AIG1: variants seen among roughly 807,000 people sequenced by gnomAD.
The protein encoded by AIG1 is androgen induced 1.
Under a neutral mutation model 31.4 loss-of-function variants are expected in AIG1, and 23 were observed. That is an observed-to-expected ratio of 0.73 (90% confidence interval 0.53 to 1.04). The LOEUF is 1.04. Among genes scored for constraint, AIG1 ranks in the 50% least tolerant of loss-of-function variants. The pLI is 0.00. For synonymous variants in AIG1, 100 were observed against 110.5 expected (o/e 0.90, Z 0.60); for missense variants, 274 against 295.0 (o/e 0.93, Z 0.52).
In AIG1 at chr6:143,195,781, C is replaced by G. The variant is rs186394732; in HGVS notation, c.399+30598C>G. Among the ~76,000 whole-genome samples, 7 of 151,030 alleles carry G rather than the reference C, an allele frequency of 4.6e-5. No individual in the cohort carries two copies. In the East Asian group the frequency reaches 1.4e-3, roughly 29 times the overall value. On this transcript the variant is annotated intron_variant, in intron 3 of 5. Transcript: ENST00000357847. ...CGTCCTGGGCACACGGAGGTCTGAC[C>G]AGACAAGGACAGTGGCTGGCACAGG...
intron 1 of AIG1, among the ~76,000 whole-genome samples, chr6:143,103,129 C>A (rs942811845): frequency 6.6e-6 from 1 of 152,174 alleles, no homozygotes; most frequent in African/African-American, 2.4e-5. Flanking sequence ...TTTCTGGATA[C>A]CAGTGTGCCA....
At chr6:143,074,394 G>A (rs59866066) in intron 1 of AIG1, among the ~76,000 whole-genome samples, 4,859 of 152,208 alleles carry the variant, frequency 0.032, 233 homozygotes, top group African/African-American at 0.1. Flanking sequence ...CATTGATGTC[G>A]ATTATGCATT....
chr6:143,220,021 G>A (rs952480647), intron 3 of AIG1, among the ~76,000 whole-genome samples: 11 of 152,030 alleles, frequency 7.2e-5, no homozygotes, highest in Non-Finnish European at 1.5e-4. Context: ...ACCTTACCTC[G>A]AATTCTCACC....
rs527929153 is a variant in AIG1 at position 143,149,106 on chromosome 6, C to G, written c.297+12116C>G. ...GTCTCTGTTGTTGAATGATGCGTTA[C>G]TGTACTCCAAACTTTTTGACAAACC... On this transcript the variant is annotated intron_variant, in intron 2 of 5. Coordinates refer to ENST00000357847, the MANE Select transcript of AIG1 (RefSeq NM_016108.4). Among the ~76,000 whole-genome samples, 7 of 152,290 alleles carry G rather than the reference C, an allele frequency of 4.6e-5. No individual in the cohort carries two copies. In the East Asian group the frequency reaches 1.2e-3, roughly 25 times the overall value.
chr6:143,242,790 A>G (rs1794332593), intron 3 of AIG1, among the ~76,000 whole-genome samples: 1 of 152,246 alleles, frequency 6.6e-6, no homozygotes, highest in Non-Finnish European at 1.5e-5. Flanking sequence ...AGCCTGACAC[A>G]AAACACTTCC....
chr6:143,271,783 T>C (rs184839776), intron 3 of AIG1, among the ~76,000 whole-genome samples: 1 of 152,340 alleles, frequency 6.6e-6, no homozygotes, highest in Admixed American at 6.5e-5. Context: ...GCAAAATAGC[T>C]CCCTTTCTTT....
chr6:143,114,402 C>T (rs1434397720), intron 1 of AIG1, among the ~76,000 whole-genome samples: 2 of 152,188 alleles, frequency 1.3e-5, no homozygotes, highest in African/African-American at 4.8e-5. Flanking sequence ...GTTTTAGTTA[C>T]ATGTTTTCAA....
At chr6:143,265,932 C>T (rs1796121563) in intron 3 of AIG1, among the ~76,000 whole-genome samples, 2 of 152,230 alleles carry the variant, frequency 1.3e-5, no homozygotes, top group Non-Finnish European at 2.9e-5. Context: ...TCCTCAATCT[C>T]TAGCCCCTAC....
intron 1 of AIG1, among the ~76,000 whole-genome samples, chr6:143,132,910 A>C (rs923983215): frequency 6.6e-6 from 1 of 151,680 alleles, no homozygotes; most frequent in Admixed American, 6.6e-5. Context: ...ATTAACTTTG[A>C]TTCTTTTTAA....
At chr6:143,148,613 G>A (rs1784908435) in intron 2 of AIG1, among the ~76,000 whole-genome samples, 1 of 151,426 alleles carries the variant, frequency 6.6e-6, no homozygotes, top group Non-Finnish European at 1.5e-5. Context: ...ATTGCTTGAA[G>A]CCAGGAGTTC....
intron 3 of AIG1, among the ~76,000 whole-genome samples, chr6:143,226,540 G>A (rs763689570): frequency 9.2e-5 from 14 of 151,930 alleles, no homozygotes; most frequent in South Asian, 2.1e-4. Flanking sequence ...CACCACACCC[G>A]TCCTCTTCTT....
intron 3 of AIG1, among the ~76,000 whole-genome samples, chr6:143,196,350 AACACACACACACACACAC>A (rs71784011): frequency 4.9e-5 from 7 of 141,720 alleles, no homozygotes; most frequent in East Asian, 2.1e-4. Context: ...CAACAAAAGC[AACACACACACACACACAC>A]ACACACACAC....
chr6:143,297,738 T>A lies in AIG1; in HGVS notation c.515+13513T>A, dbSNP rs1467499379. The stretch of plus-strand genomic sequence containing the variant: ...TTTCATACACTGCCTCTCCTCCAAT[T>A]TTCATGTCTCAGCCAGATAGTTTTT... On this transcript the variant is annotated intron_variant, in intron 4 of 5. Coordinates refer to ENST00000357847, the MANE Select transcript of AIG1 (RefSeq NM_016108.4). The surrounding 1 kb of genome is among the most constrained non-coding windows in gnomAD (Gnocchi z 5.1). 6.6e-6 allele frequency among the ~76,000 whole-genome samples: 1 copy of A among 152,248 alleles called. No homozygotes were observed. The highest frequency in any genetic ancestry group is 1.9e-4 in the East Asian group (1 of 5,198).
intron 2 of AIG1, among the ~76,000 whole-genome samples, chr6:143,144,997 T>G (rs950350701): frequency 2.0e-5 from 3 of 152,142 alleles, no homozygotes; most frequent in Non-Finnish European, 4.4e-5. Context: ...GACAGGCAGT[T>G]TCAGGGTGGT....
At chr6:143,300,990 G>T (rs375810389) in intron 4 of AIG1, among the ~76,000 whole-genome samples, 8 of 151,736 alleles carry the variant, frequency 5.3e-5, no homozygotes, top group Non-Finnish European at 1.2e-4. Context: ...ACGGAGTCTC[G>T]CTCTGTCACC....
rs59404815 is a variant in AIG1 at position 143,311,644 on chromosome 6, A to T, written c.516-21638A>T. ...TTAAAGGAAAAAAACCTCTCAGAAG[A>T]CTATAAATAGAAGAGAACTCCCTCA... On this transcript the variant is annotated intron_variant, in intron 4 of 5. Transcript: ENST00000357847. 4.4e-3 allele frequency among the ~76,000 whole-genome samples: 669 copies of T among 152,008 alleles called. 2 individuals are homozygous for T. Among genetic ancestry groups the T allele is most frequent in the African/African-American group, 0.015 (629 of 41,544 alleles).
At chr6:143,302,384 C>G (rs1285984943) in intron 4 of AIG1, among the ~76,000 whole-genome samples, 3 of 151,750 alleles carry the variant, frequency 2.0e-5, no homozygotes, top group Non-Finnish European at 4.4e-5. Flanking sequence ...TCCCCCCGAC[C>G]CCACAACAGT....
intron 2 of AIG1, among the ~76,000 whole-genome samples, chr6:143,143,531 ATATATAT>A (rs1784453079): frequency 9.0e-5 from 9 of 99,800 alleles, no homozygotes; most frequent in South Asian, 6.7e-4. Context: ...AAAAAAAAAT[ATATATAT>A]ATATATATAT....
chr6:143,334,056 C>T lies in AIG1; in HGVS notation c.679+611C>T, dbSNP rs1425992513. 3 of 1,550,182 alleles carry T rather than the reference C, an allele frequency of 1.9e-6. No homozygotes were observed. The highest frequency in any genetic ancestry group is 2.6e-6 in the Non-Finnish European group (3 of 1,146,850). On this transcript the variant is annotated intron_variant, in intron 5 of 5. Coordinates refer to ENST00000357847, the MANE Select transcript of AIG1 (RefSeq NM_016108.4). The surrounding 1 kb of genome is among the most constrained non-coding windows in gnomAD (Gnocchi z 5.1). Reference sequence around the variant, plus strand: ...TCTTTTAACCTGTGATTTGATTTCTCTTTTGTTTCCATTTATGGCAGAGCC... The same window carrying T: ...TCTTTTAACCTGTGATTTGATTTCTTTTTTGTTTCCATTTATGGCAGAGCC...
Sources: gnomAD v4.1 joint callset for allele counts (sites outside exome capture counted in the v4.1 genomes callset) on GRCh38, gnomAD v4.1.1 for gene constraint, Gnocchi (gnomAD v3.1) non-coding constraint, MANE v1.5 for transcripts, NCBI Gene and HGNC (gene_info 2026-07-23, HGNC 2026-07-21) for gene names.